The following COL27A1 variants were observed in gnomAD, a reference collection of about 807,000 sequenced individuals.
COL27A1 encodes the protein collagen type XXVII alpha 1 chain.
COL27A1 carries 106 observed loss-of-function variants against 251.3 expected under a neutral mutation model. The observed-to-expected ratio is 0.42, with a 90% CI of 0.36 to 0.50. The LOEUF (loss-of-function observed/expected upper bound fraction) is 0.50, where lower values mean the gene tolerates loss of function less well. COL27A1 is among the 20% of genes least tolerant of loss of function. The probability of loss-of-function intolerance (pLI) is 0.00; values close to 1 mark genes in which losing one functional copy is unlikely to be tolerated. For missense variants in COL27A1, 2,325 were observed against 2,522.8 expected (o/e 0.92, Z 1.68); for synonymous variants, 1,000 against 986.3 (o/e 1.01, Z -0.26).
chr9:114,276,058 G>A (rs1440478287), intron 37 of COL27A1, among the ~76,000 whole-genome samples: 1 of 152,096 alleles, frequency 6.6e-6, no homozygotes, highest in East Asian at 1.9e-4. Context: ...ACTTTTTTCA[G>A]TTTCTTGGAC....
intron 28 of COL27A1, among the ~76,000 whole-genome samples, chr9:114,259,889 CA>C (rs1834193755): frequency 6.6e-6 from 1 of 152,086 alleles, no homozygotes; most frequent in Non-Finnish European, 1.5e-5. Flanking sequence ...AGTGGTTTTA[CA>C]ATTTCCCCCA....
Position 114,283,742 on chromosome 9 carries a change from C to A in COL27A1, c.3913C>A (p.Pro1305Thr). The A allele has an allele frequency of 6.2e-7, 1 of 1,614,150 alleles. No homozygotes were observed. ...APGRMGAQGE[P>T]GLAGYDGHKG... The stretch of plus-strand genomic sequence containing the variant: ...GGGACGCATGGGGGCCCAAGGAGAA[C>A]CGGGACTGGCTGGTTATGATGTAAG... The change falls in exon 40 of 61, where the codon CCG becomes ACG. Residue 1305 changes from proline to threonine, a missense_variant. By Grantham distance (38) the Pro-to-Thr change is conservative. This residue lies in a region of COL27A1 where 662 missense variants were observed against 795.3 expected (regional missense o/e 0.83). Transcript: ENST00000356083.
intron 3 of COL27A1, 55 bp from the exon 4 acceptor site, chr9:114,178,236 C>A: frequency 1.4e-6 from 2 of 1,452,238 alleles, no homozygotes; most frequent in Non-Finnish European, 9.7e-7. Flanking sequence ...TGCTTGAGCC[C>A]ATTCTCTGCT....
At chr9:114,305,608 G>A (rs111548718) in intron 57 of COL27A1, among the ~76,000 whole-genome samples, 80 of 152,290 alleles carry the variant, frequency 5.3e-4, no homozygotes, top group African/African-American at 1.8e-3. Context: ...ACCTGCCAGG[G>A]GCTCTGCCCT....
intron 3 of COL27A1, among the ~76,000 whole-genome samples, chr9:114,177,646 A>G (rs1033546774): frequency 3.9e-5 from 6 of 152,192 alleles, no homozygotes; most frequent in African/African-American, 1.4e-4. Flanking sequence ...CTCCGTTTGT[A>G]TGGGCACAAG....
intron 3 of COL27A1, among the ~76,000 whole-genome samples, chr9:114,176,019 TCA>T (rs1827409777): frequency 6.6e-6 from 1 of 152,008 alleles, no homozygotes; most frequent in Non-Finnish European, 1.5e-5. Context: ...CTAGTTAGAG[TCA>T]CACTCAACCA....
Position 114,310,815 on chromosome 9 carries a change from C to T in COL27A1, c.*120C>T. On this transcript the variant is annotated 3_prime_UTR_variant, in exon 61 of 61. Transcript: ENST00000356083. ...GCTCCCCTGCCCAAGGGTCCTTGGG[C>T]AGACCCCAGCTGTTGTCTGCCCAGT... The T allele has an allele frequency of 9.9e-7, 1 of 1,013,434 alleles. No homozygotes were observed. Among genetic ancestry groups the T allele is most frequent in the Admixed American group, 2.4e-5 (1 of 41,610 alleles). The allele number at this position is 1,013,434 out of a possible 1,614,324, so 62.8% of individuals were successfully genotyped here.
intron 28 of COL27A1, among the ~76,000 whole-genome samples, chr9:114,261,980 G>A (rs1227364456): frequency 6.6e-6 from 1 of 152,206 alleles, no homozygotes; most frequent in African/African-American, 2.4e-5. Context: ...GATAAACAAG[G>A]TGCTATGGGC....
intron 57 of COL27A1, chr9:114,306,240 C>CG: frequency 2.9e-6 from 1 of 339,422 alleles, no homozygotes; most frequent in Non-Finnish European, 5.4e-6. Context: ...GCACCCTCGC[C>CG]TACCTCATTC....
intron 48 of COL27A1, among the ~76,000 whole-genome samples, chr9:114,291,394 T>C (rs1306762969): frequency 6.6e-6 from 1 of 152,120 alleles, no homozygotes; most frequent in Admixed American, 6.5e-5. Flanking sequence ...ATTGGAACCC[T>C]CTGAGACACA....
intron 14 of COL27A1, among the ~76,000 whole-genome samples, chr9:114,225,146 T>C (rs571930294): frequency 6.6e-6 from 1 of 152,358 alleles, no homozygotes; most frequent in East Asian, 1.9e-4. Context: ...CTATTTGCAG[T>C]GTCTCTTAGG....
chr9:114,156,070 A>T, intron 1 of COL27A1, 58 bp downstream of exon 1: 2 of 1,290,770 alleles, frequency 1.5e-6, no homozygotes, highest in East Asian at 2.8e-5. Flanking sequence ...AATCTCGGGG[A>T]GGGCCGGGGT....
In COL27A1 at chr9:114,290,882, G is replaced by A. The variant is rs200770448; in HGVS notation, c.4441G>A (p.Gly1481Ser). The A allele has an allele frequency of 3.1e-5, 48 of 1,551,684 alleles. No homozygotes were observed. In the Admixed American group the frequency reaches 6.9e-4, roughly 22 times the overall value. ...AGKRGNPGVA[G>S]LPGAQGPPGF... ...GAAGAGAGGAAATCCAGGTGTGGCC[G>A]GCTTACCTGGAGCACAGGGACCCCC... Residue 1481 changes from glycine (G) to serine (S), a missense_variant, in exon 48 of 61, where the codon GGC (glycine) becomes AGC (serine). Coordinates refer to ENST00000356083, the MANE Select transcript of COL27A1 (RefSeq NM_032888.4). The surrounding 1 kb of genome is among the most constrained non-coding windows in gnomAD (Gnocchi z 4.6).
intron 28 of COL27A1, among the ~76,000 whole-genome samples, chr9:114,261,940 G>C (rs2636855): frequency 0.78 from 119,434 of 152,184 alleles, 47,126 homozygotes; most frequent in African/African-American, 0.84. Flanking sequence ...GATGACTTAA[G>C]CTTTCTCCCA....
intron 37 of COL27A1, among the ~76,000 whole-genome samples, chr9:114,282,063 C>T (rs998867905): frequency 6.6e-6 from 1 of 152,178 alleles, no homozygotes; most frequent in Admixed American, 6.5e-5. Context: ...AGGTCGAATC[C>T]CTAAGTTCTG....
At chr9:114,301,156 G>A (rs771461934) in intron 52 of COL27A1, 31 bp downstream of exon 52, 63 of 1,613,350 alleles carry the variant, frequency 3.9e-5, no homozygotes, top group Admixed American at 2.5e-4. Flanking sequence ...GGAAGACTCC[G>A]GGGTCCCCTT....
intron 19 of COL27A1, 46 bp downstream of exon 19, chr9:114,237,761 G>A (rs372360930): frequency 9.7e-6 from 15 of 1,544,104 alleles, no homozygotes; most frequent in Middle Eastern, 1.7e-4. Context: ...GCTGGGACTC[G>A]GTCTTGTCCT....
chr9:114,250,054 G>T (rs1833417839), intron 24 of COL27A1, among the ~76,000 whole-genome samples: 1 of 152,222 alleles, frequency 6.6e-6, no homozygotes, highest in Admixed American at 6.5e-5. Context: ...TTGTCACCCA[G>T]CGGAGTTCAG....
intron 5 of COL27A1, among the ~76,000 whole-genome samples, chr9:114,192,545 G>A (rs1828818145): frequency 6.6e-6 from 1 of 152,186 alleles, no homozygotes; most frequent in Admixed American, 6.5e-5. Flanking sequence ...CTGGGGGGAT[G>A]GGGAGTGTGG....
Sources: allele counts gnomAD v4.1 joint callset (sites outside exome capture counted in the v4.1 genomes callset), GRCh38; gene constraint gnomAD v4.1.1; regional missense constraint gnomAD v4.1.1; non-coding constraint Gnocchi (gnomAD v3.1); transcripts MANE v1.5; gene names NCBI Gene and HGNC (gene_info 2026-07-23, HGNC 2026-07-21).